Variants in SLC24A2 observed in about 807,000 individuals in gnomAD.
The protein encoded by SLC24A2 is solute carrier family 24 member 2.
SLC24A2 carries 36 observed loss-of-function variants against 62.0 expected under a neutral mutation model. The ratio of observed to expected loss-of-function variants is 0.58; its 90% CI spans 0.44 to 0.77. The LOEUF is 0.77. Among genes scored for constraint, SLC24A2 ranks in the 30% least tolerant of loss-of-function variants. The pLI is 0.00. For missense variants in SLC24A2, 846 were observed against 817.9 expected (o/e 1.03, Z -0.42); for synonymous variants, 358 against 294.0 (o/e 1.22, Z -2.23).
the SLC24A2 span, among the ~76,000 whole-genome samples, chr9:20,192,583 T>C: frequency 6.6e-6 from 1 of 152,134 alleles, no homozygotes; most frequent in Non-Finnish European, 1.5e-5. Flanking sequence ...ATGTATATTT[T>C]TAAACCAGCC....
intron 7 of SLC24A2, among the ~76,000 whole-genome samples, chr9:19,553,121 C>T (rs1329063693): frequency 6.6e-6 from 1 of 152,146 alleles, no homozygotes; most frequent in African/African-American, 2.4e-5. Context: ...AGGCTGTTGG[C>T]ATACATTAGG....
chr9:19,702,492 A>C (rs7870445), intron 2 of SLC24A2, among the ~76,000 whole-genome samples: 29,510 of 152,088 alleles, frequency 0.19, 3,962 homozygotes, highest in African/African-American at 0.38. Flanking sequence ...ATAACAGAAA[A>C]CTTGACTTTT....
At chr9:19,775,992 T>A (rs1822834093) in intron 2 of SLC24A2, among the ~76,000 whole-genome samples, 1 of 152,260 alleles carries the variant, frequency 6.6e-6, no homozygotes, top group Non-Finnish European at 1.5e-5. Flanking sequence ...GACACCAGTA[T>A]TTTTAATAGA....
chr9:20,015,773 G>T, the SLC24A2 span, among the ~76,000 whole-genome samples: 2 of 152,184 alleles, frequency 1.3e-5, no homozygotes, highest in Admixed American at 6.5e-5. Context: ...GTTCTGGATG[G>T]CATCTAGCCC....
At chr9:19,651,093 T>C (rs1818788602) in intron 2 of SLC24A2, among the ~76,000 whole-genome samples, 1 of 152,142 alleles carries the variant, frequency 6.6e-6, no homozygotes, top group Admixed American at 6.5e-5. Flanking sequence ...GTAGACCTAA[T>C]AGTATTAGGT....
the SLC24A2 span, among the ~76,000 whole-genome samples, chr9:19,956,548 G>A: frequency 1.4e-4 from 22 of 152,150 alleles, no homozygotes; most frequent in African/African-American, 4.8e-4. Flanking sequence ...TGGCTGGGGA[G>A]GCCTCACAAT....
At chr9:19,626,252 C>T (rs1188168162) in intron 2 of SLC24A2, among the ~76,000 whole-genome samples, 1 of 152,230 alleles carries the variant, frequency 6.6e-6, no homozygotes, top group Admixed American at 6.5e-5. Flanking sequence ...CCACCTCACA[C>T]ACATAAAAAT....
At chr9:20,162,398 G>T in the SLC24A2 span, among the ~76,000 whole-genome samples, 1 of 151,398 alleles carries the variant, frequency 6.6e-6, no homozygotes, top group East Asian at 2.0e-4. Context: ...AAATACTCTT[G>T]AAACACATAC....
the SLC24A2 span, among the ~76,000 whole-genome samples, chr9:20,222,744 A>G: frequency 3.9e-5 from 6 of 152,202 alleles, no homozygotes; most frequent in Non-Finnish European, 7.4e-5. Flanking sequence ...ATTTTAGTAG[A>G]TGCAAAAAAT....
intron 4 of SLC24A2, among the ~76,000 whole-genome samples, chr9:19,618,252 C>T (rs1817819198): frequency 6.6e-6 from 1 of 152,204 alleles, no homozygotes; most frequent in Non-Finnish European, 1.5e-5. Flanking sequence ...TTACTCCCTT[C>T]TCTGGGGGTA....
the SLC24A2 span, among the ~76,000 whole-genome samples, chr9:19,921,737 G>A: frequency 2.0e-5 from 3 of 152,130 alleles, no homozygotes; most frequent in East Asian, 1.9e-4. Context: ...AGAACACAAT[G>A]TCTAACCATG....
chr9:19,732,502 G>A (rs898154673), intron 2 of SLC24A2, among the ~76,000 whole-genome samples: 1 of 152,158 alleles, frequency 6.6e-6, no homozygotes, highest in African/African-American at 2.4e-5. Flanking sequence ...AAATAATTGT[G>A]TATATTTACG....
intron 2 of SLC24A2, among the ~76,000 whole-genome samples, chr9:19,721,490 CA>C (rs1821023790): frequency 6.6e-6 from 1 of 152,112 alleles, no homozygotes; most frequent in African/African-American, 2.4e-5. Context: ...TATAACTAAA[CA>C]TTAAAGTCTT....
chr9:19,666,730 C>T (rs933022153), intron 2 of SLC24A2, among the ~76,000 whole-genome samples: 10 of 152,078 alleles, frequency 6.6e-5, no homozygotes, highest in Non-Finnish European at 1.3e-4. Context: ...GTCTAAAGGG[C>T]TACTAAAACC....
the SLC24A2 span, among the ~76,000 whole-genome samples, chr9:20,240,242 C>T: frequency 7.2e-5 from 11 of 152,286 alleles, no homozygotes; most frequent in African/African-American, 2.6e-4. Flanking sequence ...TAAATATTCT[C>T]TTAATTCACC....
chr9:19,793,519 A>G (rs923436683), upstream of SLC24A2, among the ~76,000 whole-genome samples: 2 of 152,212 alleles, frequency 1.3e-5, no homozygotes, highest in Non-Finnish European at 2.9e-5. Context: ...GATCAATAAT[A>G]ACTACCACAA....
At chr9:19,602,626 G>C (rs1381641693) in intron 4 of SLC24A2, among the ~76,000 whole-genome samples, 1 of 152,194 alleles carries the variant, frequency 6.6e-6, no homozygotes, top group Non-Finnish European at 1.5e-5. Flanking sequence ...AAGCTCAAAA[G>C]GGACTTCAGC....
chr9:19,820,196 A>G, the SLC24A2 span, among the ~76,000 whole-genome samples: 1 of 150,224 alleles, frequency 6.7e-6, no homozygotes, highest in Non-Finnish European at 1.5e-5. Context: ...GGAAAACCAA[A>G]TATCATATGT....
At chr9:19,601,156 A>ATGCACCAATCAGTGCTCTGTAAAAT (rs1429791224) in intron 4 of SLC24A2, among the ~76,000 whole-genome samples, 2 of 152,024 alleles carry the variant, frequency 1.3e-5, no homozygotes, top group Non-Finnish European at 2.9e-5. Context: ...AGATTGTAAA[A>ATGCACCAATCAGTGCTCTGTAAAAT]TGCACCAATC....
Sources: gnomAD v4.1 joint callset for allele counts (sites outside exome capture counted in the v4.1 genomes callset) on GRCh38, gnomAD v4.1.1 for gene constraint, MANE v1.5 for transcripts, NCBI Gene and HGNC (gene_info 2026-07-23, HGNC 2026-07-21) for gene names.